The following CHL1 variants were observed in gnomAD, a reference collection of about 807,000 sequenced individuals.
CHL1 encodes neural cell adhesion molecule L1-like protein.
Under a neutral mutation model 141.9 loss-of-function variants are expected in CHL1, and 96 were observed. The observed-to-expected ratio is 0.68, with a 90% confidence interval of 0.57 to 0.80. The LOEUF (loss-of-function observed/expected upper bound fraction) is 0.80, where lower values mean the gene tolerates loss of function less well. Among genes scored for constraint, CHL1 ranks in the 30% least tolerant of loss-of-function variants. The pLI is 0.00. For synonymous variants in CHL1, 613 were observed against 502.2 expected (o/e 1.22, Z -2.95); for missense variants, 1,820 against 1,457.2 (o/e 1.25, Z -4.05).
Position 328,238 on chromosome 3 carries a change from G to A in CHL1, c.269G>A (p.Gly90Glu). 1 of 1,612,832 alleles carries A rather than the reference G, an allele frequency of 6.2e-7. No individual in the cohort carries two copies. The highest frequency in any genetic ancestry group is 8.5e-7 in the Non-Finnish European group (1 of 1,179,204). Residue 90 changes from glycine (G) to glutamate (E), a missense_variant, in exon 5 of 28, where the codon GGA (glycine) becomes GAA (glutamate). By Grantham distance (98) the Gly-to-Glu change is moderately conservative. Transcript: ENST00000256509. The part of the protein sequence containing the change: ...DHRIIPSNNS[G>E]TFRIPNEGHI... ...CGGATAATTCCATCGAACAATTCAG[G>A]AACATTCAGGATCCCAAACGAGGGG...
chr3:251,413 G>C (rs531846412), intron 2 of CHL1, among the ~76,000 whole-genome samples: 1 of 152,134 alleles, frequency 6.6e-6, no homozygotes, highest in Non-Finnish European at 1.5e-5. Flanking sequence ...CTGAACCTGA[G>C]GCTGCTAATC....
chr3:304,657 G>T (rs552483380), intron 2 of CHL1, among the ~76,000 whole-genome samples: 91 of 152,194 alleles, frequency 6.0e-4, no homozygotes, highest in Non-Finnish European at 1.0e-3. Context: ...CTGGCTAGCG[G>T]TCTAACTATT....
intron 2 of CHL1, among the ~76,000 whole-genome samples, chr3:306,438 T>C (rs1022883325): frequency 2.6e-5 from 4 of 152,120 alleles, no homozygotes; most frequent in Non-Finnish European, 5.9e-5. Flanking sequence ...TGAATTTGAA[T>C]AAAAAATCCC....
At chr3:258,867 C>T (rs527593132) in intron 2 of CHL1, among the ~76,000 whole-genome samples, 26 of 136,568 alleles carry the variant, frequency 1.9e-4, no homozygotes, top group African/African-American at 8.9e-4. Context: ...AACTAAGTCC[C>T]CTTTTTTTTT....
chr3:330,235 G>T (rs1012862287), intron 5 of CHL1, among the ~76,000 whole-genome samples: 7 of 152,092 alleles, frequency 4.6e-5, no homozygotes, highest in African/African-American at 1.4e-4. Flanking sequence ...TTCTAAGTGA[G>T]TCTTAGGTCA....
chr3:397,404 T>TG (rs1708765585), intron 24 of CHL1, among the ~76,000 whole-genome samples: 3 of 152,058 alleles, frequency 2.0e-5, no homozygotes, highest in Non-Finnish European at 4.4e-5. Context: ...ATATACCCAC[T>TG]TAAAATAGCA....
Position 405,807 on chromosome 3 carries a change from C to G in CHL1, c.*96C>G, listed in dbSNP as rs891947999. 3 of 824,974 alleles carry G rather than the reference C, an allele frequency of 3.6e-6. No homozygotes were observed. In the Admixed American group the frequency reaches 7.3e-5, roughly 20 times the overall value. The allele number at this position is 824,974 out of a possible 1,614,324, so 51.1% of individuals were successfully genotyped here. ...ACTTTCATATAGGAATAGAAACATG[C>G]TGGCCGAAGATTTCATCCAGAAGTC... On this transcript the variant is annotated 3_prime_UTR_variant, in exon 28 of 28. Transcript: ENST00000256509.
At chr3:390,902 A>G in intron 21 of CHL1, 53 bp from the exon 22 acceptor site, 2 of 1,549,318 alleles carry the variant, frequency 1.3e-6, no homozygotes, top group East Asian at 2.2e-5. Context: ...AAGAAGTCAA[A>G]GAGAATCTGC....
At chr3:210,027 T>C (rs553882118) in intron 1 of CHL1, among the ~76,000 whole-genome samples, 80 of 152,358 alleles carry the variant, frequency 5.3e-4, no homozygotes, top group Middle Eastern at 6.8e-3. Flanking sequence ...GAATTCACCA[T>C]ATGGCTTAAA....
At chr3:207,019 C>T (rs1008170122) in intron 1 of CHL1, among the ~76,000 whole-genome samples, 1 of 152,108 alleles carries the variant, frequency 6.6e-6, no homozygotes, top group African/African-American at 2.4e-5. Context: ...TTGAAAATGA[C>T]ACCGATCATA....
chr3:249,356 A>G (rs1693471367), intron 2 of CHL1, among the ~76,000 whole-genome samples: 2 of 152,144 alleles, frequency 1.3e-5, no homozygotes, highest in South Asian at 2.1e-4. Context: ...GTGACTTCAC[A>G]TTTACCACAA....
At chr3:340,395 G>A (rs921180394) in intron 5 of CHL1, among the ~76,000 whole-genome samples, 2 of 152,154 alleles carry the variant, frequency 1.3e-5, no homozygotes, top group African/African-American at 4.8e-5. Flanking sequence ...TCCCAATAAA[G>A]CGAGAGATAG....
intron 2 of CHL1, among the ~76,000 whole-genome samples, chr3:252,175 C>T (rs1395809338): frequency 2.0e-5 from 3 of 151,410 alleles, no homozygotes; most frequent in Non-Finnish European, 4.4e-5. Flanking sequence ...AAAGGGAAAA[C>T]TATTTTTAAC....
At chr3:254,772 A>C (rs1222857947) in intron 2 of CHL1, among the ~76,000 whole-genome samples, 1 of 152,166 alleles carries the variant, frequency 6.6e-6, no homozygotes, top group Non-Finnish European at 1.5e-5. Context: ...AAGGCAAGCT[A>C]GCTAAATCCT....
At chr3:395,124 G>T (rs961388079) in intron 24 of CHL1, among the ~76,000 whole-genome samples, 7 of 152,114 alleles carry the variant, frequency 4.6e-5, no homozygotes, top group African/African-American at 1.7e-4. Context: ...TGTATACAAG[G>T]TCAGGAACTA....
At chr3:342,948 A>G (rs774021424) in intron 7 of CHL1, 36 bp from the exon 8 acceptor site, 9 of 1,544,878 alleles carry the variant, frequency 5.8e-6, no homozygotes, top group Non-Finnish European at 7.9e-6. Context: ...ATCCACCATT[A>G]TGTTTGTGTT....
chr3:203,798 G>A (rs1022673863), intron 1 of CHL1, among the ~76,000 whole-genome samples: 5 of 152,226 alleles, frequency 3.3e-5, no homozygotes, highest in African/African-American at 1.2e-4. Flanking sequence ...AGACGGCAAG[G>A]GAGCCTATTG....
intron 1 of CHL1, among the ~76,000 whole-genome samples, chr3:220,349 G>C (rs1700721471): frequency 6.6e-6 from 1 of 152,144 alleles, no homozygotes; most frequent in Non-Finnish European, 1.5e-5. Context: ...TGCACCTGTA[G>C]TTCCAGCTAC....
chr3:344,480 C>CACAT (rs1702595283), intron 8 of CHL1, 109 bp from the exon 9 acceptor site: 1 of 733,672 alleles, frequency 1.4e-6, no homozygotes, highest in South Asian at 1.8e-5. Context: ...CACACACACA[C>CACAT]ACACACACAC....
Sources: gnomAD v4.1 joint callset for allele counts (sites outside exome capture counted in the v4.1 genomes callset) on GRCh38, gnomAD v4.1.1 for gene constraint, MANE v1.5 for transcripts, NCBI Gene and HGNC (gene_info 2026-07-23, HGNC 2026-07-21) for gene names.